Variants in SESN3 observed in about 807,000 individuals in gnomAD.
SESN3 encodes sestrin-3.
In SESN3, 21 loss-of-function variants were observed where a neutral mutation model predicts 55.3. That is an observed-to-expected ratio of 0.38 (90% CI 0.27 to 0.55). SESN3 has a LOEUF of 0.55. SESN3 is among the 20% of genes least tolerant of loss of function. The pLI is 0.76. For missense variants in SESN3, 408 were observed against 604.3 expected (o/e 0.68, Z 3.41); for synonymous variants, 181 against 203.1 (o/e 0.89, Z 0.93).
intron 4 of SESN3, among the ~76,000 whole-genome samples, chr11:95,186,234 G>GTGTGTGTGTGTGTGTGTGTGTGTGT (rs1860163668): frequency 6.7e-6 from 1 of 149,492 alleles, no homozygotes; most frequent in Non-Finnish European, 1.5e-5. Flanking sequence ...GTGTGTGTGT[G>GTGTGTGTGTGTGTGTGTGTGTGTGT]TGTGTGTGGT....
rs1477598571 is a variant in SESN3, at chr11:95,166,605, A to AG, written c.*6649dup. The AG allele has an allele frequency of 5.9e-5, 9 of 152,214 alleles. No homozygotes were observed. The highest frequency in any genetic ancestry group is 2.2e-4 in the African/African-American group (9 of 41,460). The allele number at this position is 152,214 out of a possible 1,614,324, so 9.4% of individuals were successfully genotyped here. On this transcript the variant is annotated 3_prime_UTR_variant, in exon 10 of 10. Coordinates refer to ENST00000536441, the MANE Select transcript of SESN3 (RefSeq NM_144665.4). ...TTCAACTTCTATTTCATAAGTTAAA[A>AG]GATGCGTCCAGTTCTTCCATGACCA...
At chr11:95,200,504 T>A (rs1037388211) in intron 1 of SESN3, among the ~76,000 whole-genome samples, 1 of 152,040 alleles carries the variant, frequency 6.6e-6, no homozygotes, top group African/African-American at 2.4e-5. Context: ...TGTTTTAAAT[T>A]ACACCAGCAT....
At chr11:95,202,565 C>T (rs571552209) in intron 1 of SESN3, among the ~76,000 whole-genome samples, 18 of 152,162 alleles carry the variant, frequency 1.2e-4, no homozygotes, top group African/African-American at 3.9e-4. Context: ...TGACACTAAT[C>T]TTGGGCAACA....
chr11:95,231,044 G>A lies in SESN3; in HGVS notation c.-184C>T. 2.4e-6 allele frequency: 1 copy of A among 410,168 alleles called. No homozygotes were observed. The highest frequency in any genetic ancestry group is 4.3e-6 in the Non-Finnish European group (1 of 233,296). The allele number at this position is 410,168 out of a possible 1,614,324, so 25.4% of individuals were successfully genotyped here. Reference sequence around the variant, plus strand: ...AGCGGCACTGCCAGAGGCGACCACCGCGGCAGCTGCCCCAGCGACGGCGGA... The same window carrying A: ...AGCGGCACTGCCAGAGGCGACCACCACGGCAGCTGCCCCAGCGACGGCGGA... On this transcript the variant is annotated 5_prime_UTR_variant, in exon 1 of 10. Coordinates refer to ENST00000536441, the MANE Select transcript of SESN3 (RefSeq NM_144665.4).
At chr11:95,194,905 C>CA (rs1292898473) in intron 1 of SESN3, among the ~76,000 whole-genome samples, 3 of 152,088 alleles carry the variant, frequency 2.0e-5, no homozygotes, top group Non-Finnish European at 2.9e-5. Flanking sequence ...GCCCAGGTGA[C>CA]AGAGTGAGAC....
At chr11:95,226,351 G>A (rs1860948362) in intron 1 of SESN3, among the ~76,000 whole-genome samples, 1 of 152,186 alleles carries the variant, frequency 6.6e-6, no homozygotes, top group South Asian at 2.1e-4. Context: ...CAAAAGATCT[G>A]TTAAAGACCT....
At chr11:95,206,687 A>G (rs2134250331) in intron 1 of SESN3, among the ~76,000 whole-genome samples, 1 of 152,286 alleles carries the variant, frequency 6.6e-6, no homozygotes, top group Middle Eastern at 3.4e-3. Flanking sequence ...TTAACTAAGG[A>G]TAACAGGATT....
At chr11:95,178,089 G>T (rs1859991801) in intron 7 of SESN3, among the ~76,000 whole-genome samples, 180 bp from the exon 8 acceptor site, 1 of 152,078 alleles carries the variant, frequency 6.6e-6, no homozygotes, top group Non-Finnish European at 1.5e-5. Context: ...AGAGTGTCTG[G>T]ATGTTTCTTC....
intron 1 of SESN3, among the ~76,000 whole-genome samples, chr11:95,210,560 G>C (rs1339152831): frequency 6.6e-6 from 1 of 152,176 alleles, no homozygotes; most frequent in Admixed American, 6.5e-5. Context: ...GATGTTTGAA[G>C]TATGTATCCT....
intron 5 of SESN3, 91 bp downstream of exon 5, chr11:95,185,165 C>G: frequency 2.8e-6 from 2 of 724,224 alleles, no homozygotes; most frequent in Admixed American, 4.5e-5. Flanking sequence ...ATATAATATC[C>G]TATCTAATTG....
intron 1 of SESN3, among the ~76,000 whole-genome samples, chr11:95,206,296 T>G (rs1237634940): frequency 6.6e-6 from 1 of 151,932 alleles, no homozygotes; most frequent in Non-Finnish European, 1.5e-5. Flanking sequence ...AATGATATTA[T>G]GAACTATTTT....
intron 2 of SESN3, among the ~76,000 whole-genome samples, chr11:95,193,122 A>G (rs1306625132): frequency 6.6e-6 from 1 of 152,062 alleles, no homozygotes; most frequent in South Asian, 2.1e-4. Context: ...GAGATCAGCT[A>G]TTGTCACTGA....
chr11:95,204,509 A>C (rs1860513272), intron 1 of SESN3, among the ~76,000 whole-genome samples: 1 of 152,018 alleles, frequency 6.6e-6, no homozygotes, highest in South Asian at 2.1e-4. Context: ...GTATGTTGAA[A>C]TCCTAACCCC....
chr11:95,211,873 A>G (rs932183170), intron 1 of SESN3, among the ~76,000 whole-genome samples: 18 of 152,240 alleles, frequency 1.2e-4, no homozygotes, highest in African/African-American at 4.3e-4. Flanking sequence ...AGCTAAAGAA[A>G]AGATTTACAG....
At chr11:95,223,053 T>A (rs909819837) in intron 1 of SESN3, among the ~76,000 whole-genome samples, 5 of 152,146 alleles carry the variant, frequency 3.3e-5, no homozygotes, top group African/African-American at 7.2e-5. Flanking sequence ...GCAGATCTAA[T>A]CAGACAGAGT....
chr11:95,229,974 C>T (rs1861021708), intron 1 of SESN3, among the ~76,000 whole-genome samples: 1 of 152,122 alleles, frequency 6.6e-6, no homozygotes, highest in African/African-American at 2.4e-5. Flanking sequence ...TCCCTCTCGC[C>T]CTTCCCCGCG....
chr11:95,192,495 G>A (rs1860286801), intron 2 of SESN3, among the ~76,000 whole-genome samples: 1 of 152,030 alleles, frequency 6.6e-6, no homozygotes, highest in South Asian at 2.1e-4. Flanking sequence ...TTAAATTCAA[G>A]CTCATGCACT....
intron 1 of SESN3, among the ~76,000 whole-genome samples, chr11:95,215,035 T>A (rs935578301): frequency 2.6e-5 from 4 of 152,204 alleles, no homozygotes; most frequent in African/African-American, 9.7e-5. Flanking sequence ...AAAAGGAATC[T>A]TCCTGATTCT....
Position 95,230,570 on chromosome 11 carries a change from C to T in SESN3, c.78+213G>A. 1.9e-6 allele frequency: 1 copy of T among 539,602 alleles called. No homozygotes were observed. The highest frequency in any genetic ancestry group is 3.3e-6 in the Non-Finnish European group (1 of 307,488). The allele number at this position is 539,602 out of a possible 1,614,324, so 33.4% of individuals were successfully genotyped here. A position where few individuals can be genotyped will look rare whatever the true frequency, so the allele number is the denominator to read the frequency against. ...AAGGGAAGAAAAAATATCCCAACCC[C>T]TCCAGACTTGGGTCTGTCCCGGCGG... is the stretch of plus-strand genomic sequence containing the variant. On this transcript the variant is annotated intron_variant, in intron 1 of 9. Coordinates refer to ENST00000536441, the MANE Select transcript of SESN3 (RefSeq NM_144665.4). The surrounding 1 kb of genome is among the most constrained non-coding windows in gnomAD (Gnocchi z 4.6).
Sources: gnomAD v4.1 joint callset for allele counts (sites outside exome capture counted in the v4.1 genomes callset) on GRCh38, gnomAD v4.1.1 for gene constraint, Gnocchi (gnomAD v3.1) non-coding constraint, MANE v1.5 for transcripts, NCBI Gene and HGNC (gene_info 2026-07-23, HGNC 2026-07-21) for gene names.